The following JAM3 variants were observed in gnomAD, a reference collection of about 807,000 sequenced individuals.
The protein encoded by JAM3 is junctional adhesion molecule C.
A neutral mutation model predicts 39.4 loss-of-function variants in JAM3; 31 were observed. The observed-to-expected ratio is 0.79, with a 90% confidence interval of 0.59 to 1.06. The LOEUF is 1.06. JAM3 is among the 50% of genes least tolerant of loss of function. JAM3 has a pLI of 0.00. For synonymous variants in JAM3, 182 were observed against 148.7 expected (o/e 1.22, Z -1.63); for missense variants, 455 against 391.4 (o/e 1.16, Z -1.37).
At chr11:134,098,576 G>T (rs1565487791) in intron 1 of JAM3, among the ~76,000 whole-genome samples, 1 of 152,150 alleles carries the variant, frequency 6.6e-6, no homozygotes, top group Non-Finnish European at 1.5e-5. Context: ...TGGGTCAGTT[G>T]TCTTCCTTAT....
At chr11:134,097,482 C>T (rs958023805) in intron 1 of JAM3, among the ~76,000 whole-genome samples, 1 of 152,128 alleles carries the variant, frequency 6.6e-6, no homozygotes, top group East Asian at 1.9e-4. Flanking sequence ...CTCTTTGGAG[C>T]ATTAGTGATG....
At chr11:134,133,117 C>T (rs750494080) in intron 1 of JAM3, among the ~76,000 whole-genome samples, 1 of 152,162 alleles carries the variant, frequency 6.6e-6, no homozygotes, top group Non-Finnish European at 1.5e-5. Flanking sequence ...AGACTGAGAA[C>T]CAGAAGTTCT....
intron 1 of JAM3, among the ~76,000 whole-genome samples, chr11:134,133,547 A>G (rs1942807539): frequency 6.6e-6 from 1 of 152,038 alleles, no homozygotes; most frequent in African/African-American, 2.4e-5. Flanking sequence ...ATTAGTTGGG[A>G]TGATCATGTC....
chr11:134,144,747 A>C, intron 4 of JAM3, 45 bp from the exon 5 acceptor site: 1 of 1,513,820 alleles, frequency 6.6e-7, no homozygotes, highest in Non-Finnish European at 9.2e-7. Flanking sequence ...ATAAGAATAG[A>C]GCCCTGTCAC....
At chr11:134,086,802 T>G (rs1941752340) in intron 1 of JAM3, among the ~76,000 whole-genome samples, 1 of 151,766 alleles carries the variant, frequency 6.6e-6, no homozygotes, top group African/African-American at 2.4e-5. Context: ...GTGTGAGTGG[T>G]TTTTTTTGTT....
At chr11:134,132,451 A>G (rs1038776556) in intron 1 of JAM3, among the ~76,000 whole-genome samples, 1 of 152,206 alleles carries the variant, frequency 6.6e-6, no homozygotes, top group Non-Finnish European at 1.5e-5. Context: ...GAAATGAAAG[A>G]ATACTTAGAC....
chr11:134,108,978 A>G (rs1334412904), intron 1 of JAM3, among the ~76,000 whole-genome samples: 1 of 152,192 alleles, frequency 6.6e-6, no homozygotes, highest in African/African-American at 2.4e-5. Context: ...TAACTTTAAT[A>G]CAGAGTCTCA....
At chr11:134,134,038 G>A (rs996699390) in intron 1 of JAM3, among the ~76,000 whole-genome samples, 6 of 151,894 alleles carry the variant, frequency 4.0e-5, no homozygotes, top group Non-Finnish European at 4.4e-5. Flanking sequence ...AAGAACAGAT[G>A]GACAGTGCAA....
chr11:134,121,818 T>TGCAC (rs1942537491), intron 1 of JAM3, among the ~76,000 whole-genome samples: 2 of 118,430 alleles, frequency 1.7e-5, no homozygotes, highest in South Asian at 4.6e-4. Context: ...CGTGCATGTG[T>TGCAC]GCGCACACAC....
chr11:134,141,588 G>A (rs113449805), intron 3 of JAM3, among the ~76,000 whole-genome samples: 5,449 of 152,172 alleles, frequency 0.036, 363 homozygotes, highest in African/African-American at 0.12. Flanking sequence ...TGTTTCAGAA[G>A]ACTGAAGTGG....
chr11:134,130,611 C>G (rs1483387480), intron 1 of JAM3, among the ~76,000 whole-genome samples: 2 of 152,092 alleles, frequency 1.3e-5, no homozygotes, highest in East Asian at 1.9e-4. Context: ...TTATAGCAAC[C>G]AAGCAAATAT....
intron 1 of JAM3, among the ~76,000 whole-genome samples, chr11:134,130,826 A>G (rs1942755827): frequency 6.6e-6 from 1 of 152,152 alleles, no homozygotes; most frequent in South Asian, 2.1e-4. Flanking sequence ...TTTCTGGGGG[A>G]TACCTGAAGG....
intron 3 of JAM3, among the ~76,000 whole-genome samples, chr11:134,141,400 G>A (rs1271868546): frequency 6.6e-6 from 1 of 152,110 alleles, no homozygotes; most frequent in African/African-American, 2.4e-5. Context: ...TGGCTGATGG[G>A]AAAGACTGGA....
At chr11:134,132,249 G>T (rs1163867667) in intron 1 of JAM3, among the ~76,000 whole-genome samples, 2 of 152,192 alleles carry the variant, frequency 1.3e-5, no homozygotes, top group Non-Finnish European at 2.9e-5. Flanking sequence ...AGAAACCTTG[G>T]AGGCCAGAAG....
intron 1 of JAM3, among the ~76,000 whole-genome samples, chr11:134,116,651 C>T (rs1312724308): frequency 6.6e-6 from 1 of 151,538 alleles, no homozygotes; most frequent in African/African-American, 2.4e-5. Flanking sequence ...TTTCAGGGAG[C>T]CCTGATTCTT....
chr11:134,144,468 T>C, intron 4 of JAM3, 75 bp downstream of exon 4: 2 of 1,553,842 alleles, frequency 1.3e-6, no homozygotes, highest in Non-Finnish European at 1.8e-6. Context: ...GTTTCTTTCC[T>C]TCTAGAACTG....
intron 3 of JAM3, 115 bp downstream of exon 3, chr11:134,140,885 GTTTTT>G: frequency 1.0e-6 from 1 of 995,978 alleles, no homozygotes; most frequent in Non-Finnish European, 1.4e-6. Flanking sequence ...AGCTAGGACC[GTTTTT>G]TTTTTTTTAA....
intron 1 of JAM3, among the ~76,000 whole-genome samples, chr11:134,084,778 C>A (rs538530099): frequency 6.6e-6 from 1 of 152,322 alleles, no homozygotes; most frequent in African/African-American, 2.4e-5. Context: ...TTTCACCTAG[C>A]AGTGTGTCCT....
At chr11:134,101,290 C>G (rs1393918172) in intron 1 of JAM3, among the ~76,000 whole-genome samples, 1 of 152,172 alleles carries the variant, frequency 6.6e-6, no homozygotes, top group Non-Finnish European at 1.5e-5. Flanking sequence ...GGTTTTAACC[C>G]AGTTCTATAA....
Sources: gnomAD v4.1 joint callset for allele counts (sites outside exome capture counted in the v4.1 genomes callset) on GRCh38, gnomAD v4.1.1 for gene constraint, MANE v1.5 for transcripts, NCBI Gene and HGNC (gene_info 2026-07-23, HGNC 2026-07-21) for gene names.